RBM24: variants seen among roughly 807,000 people sequenced by gnomAD.
RBM24 encodes the protein RNA-binding protein 24.
A neutral mutation model predicts 23.6 loss-of-function variants in RBM24; 5 were observed. The observed-to-expected ratio is 0.21, with a 90% CI of 0.11 to 0.45. The LOEUF (loss-of-function observed/expected upper bound fraction) is 0.45. Ranked by LOEUF, RBM24 falls within the 20% of genes least tolerant of loss-of-function variation. The pLI is 0.99. For missense variants in RBM24, 252 were observed against 314.6 expected (o/e 0.80, Z 1.51); for synonymous variants, 151 against 129.5 (o/e 1.17, Z -1.13).
chr6:17,284,585 T>C (rs1760138199), intron 2 of RBM24, 72 bp from the exon 3 acceptor site: 2 of 1,135,114 alleles, frequency 1.8e-6, no homozygotes, highest in Non-Finnish European at 2.6e-6. Context: ...AAGTTGTGAT[T>C]GCATTTTACA....
chr6:17,282,118 A>C (rs1281725671), intron 1 of RBM24: 1 of 1,218,680 alleles, frequency 8.2e-7, no homozygotes, highest in East Asian at 5.5e-5. Flanking sequence ...TGCTTTGTAA[A>C]AATGCGTGTG....
intron 2 of RBM24, 189 bp downstream of exon 2, chr6:17,283,117 T>C: frequency 1.8e-6 from 1 of 548,590 alleles, no homozygotes; most frequent in Non-Finnish European, 3.3e-6. Context: ...AGGCTTGAAA[T>C]GTACCTGTGT....
At position 17,291,025 on chromosome 6, in the gene RBM24, A is replaced by G. The variant is rs888557688; in HGVS notation, c.348-731A>G. The G allele has an allele frequency of 1.2e-5, 6 of 517,228 alleles. No homozygotes were observed. In the African/African-American group the frequency reaches 1.2e-4, roughly 10 times the overall value. The allele number at this position is 517,228 out of a possible 1,614,324, so 32.0% of individuals were successfully genotyped here. A position where few individuals can be genotyped will look rare whatever the true frequency, so the allele number is the denominator to read the frequency against. On this transcript the variant is annotated intron_variant, in intron 3 of 3. Transcript: ENST00000379052. Reference sequence around the variant, plus strand: ...AATAGCATTTTTGTAGCTTCCCACGACAGCCTCTTGTGACAGAGTGAGCTG... The same window carrying G: ...AATAGCATTTTTGTAGCTTCCCACGGCAGCCTCTTGTGACAGAGTGAGCTG...
rs779013217 is a variant in RBM24, at chr6:17,292,008, A to C, written c.600A>C (p.Pro200=). ...AGGYGYAVQQ[P]ITAAAPGTAA... Reference sequence around the variant, plus strand: ...GCTATGGCTACGCAGTCCAGCAGCCAATCACCGCAGCGGCACCTGGGACAG... The same window carrying C: ...GCTATGGCTACGCAGTCCAGCAGCCCATCACCGCAGCGGCACCTGGGACAG... The change falls in exon 4 of 4, where the codon CCA becomes CCC. Residue 200 remains proline (P), a synonymous_variant. Transcript: ENST00000379052. The C allele has an allele frequency of 8.1e-6, 13 of 1,606,052 alleles. No homozygotes were observed. In the African/African-American group the frequency reaches 1.3e-4, roughly 17 times the overall value.
intron 3 of RBM24, chr6:17,289,545 CTTCACAACACT>C: frequency 1.0e-6 from 1 of 985,442 alleles, no homozygotes; most frequent in Non-Finnish European, 1.2e-6. Flanking sequence ...TTAATGCATT[CTTCACAACACT>C]TTCTCCTTTT....
chr6:17,286,427 C>A lies in RBM24; in HGVS notation c.347+1716C>A, dbSNP rs138612459. On this transcript the variant is annotated intron_variant, in intron 3 of 3. Transcript: ENST00000379052. ...GGTGTGATGTGAGCTTAGTGGTGGGCTCACACTAATAATCTTGAAACAGTT... is the reference window on the plus strand; with the variant it reads ...GGTGTGATGTGAGCTTAGTGGTGGGATCACACTAATAATCTTGAAACAGTT... Among the ~76,000 whole-genome samples the A allele has an allele frequency of 1.9e-3, 295 of 152,198 alleles. 2 individuals are homozygous for A. Among genetic ancestry groups the A allele is most frequent in the South Asian group, 3.7e-3 (18 of 4,830 alleles).
chr6:17,281,537 A>T lies in RBM24; in HGVS notation c.-45A>T. ...GAGGAGGAGGCGCAGCCGCTGCCCG[A>T]GCCGCAGCCGCAGCCGGAGCCCGAG... On this transcript the variant is annotated 5_prime_UTR_variant, in exon 1 of 4. Transcript: ENST00000379052. This position sits in a 1 kb window ranked among gnomAD's most constrained non-coding sequence, Gnocchi z 7.1. The T allele has an allele frequency of 6.9e-7, 1 of 1,459,030 alleles. No homozygotes were observed. The highest frequency in any genetic ancestry group is 9.0e-7 in the Non-Finnish European group (1 of 1,105,908). 90.4% of individuals were successfully genotyped at this position (1,459,030 alleles called of 1,614,324 possible).
Position 17,290,174 on chromosome 6 carries a change from T to C in RBM24, c.348-1582T>C. On this transcript the variant is annotated intron_variant, in intron 3 of 3. Coordinates refer to ENST00000379052, the MANE Select transcript of RBM24 (RefSeq NM_001143942.2). ...TTAATGAGTGCTTTCAGTAAAACTC[T>C]GAAAAGGCAAAGCAAAATCTATGTT... 2 of 1,055,872 alleles carry C rather than the reference T, an allele frequency of 1.9e-6. 1 individual carries two copies. Among genetic ancestry groups the C allele is most frequent in the Non-Finnish European group, 2.6e-6 (2 of 782,890 alleles). 65.4% of individuals were successfully genotyped at this position (1,055,872 alleles called of 1,614,324 possible). A position where few individuals can be genotyped will look rare whatever the true frequency, so the allele number is the denominator to read the frequency against.
Position 17,293,412 on chromosome 6 carries a change from G to A in RBM24, c.*1293G>A, listed in dbSNP as rs1243496382. 6.6e-6 allele frequency: 1 copy of A among 152,526 alleles called. No homozygotes were observed. Among genetic ancestry groups the A allele is most frequent in the Non-Finnish European group, 1.5e-5 (1 of 68,006 alleles). The allele number at this position is 152,526 out of a possible 1,614,324, so 9.4% of individuals were successfully genotyped here. Reference sequence around the variant, plus strand: ...TTAAATTCATATGTGCACTGTATAAGAGAGTACTCTTACATTAACACATTT... The same window carrying A: ...TTAAATTCATATGTGCACTGTATAAAAGAGTACTCTTACATTAACACATTT... On this transcript the variant is annotated 3_prime_UTR_variant, in exon 4 of 4. Transcript: ENST00000379052.
At chr6:17,289,455 T>C in intron 3 of RBM24, 1 of 985,482 alleles carries the variant, frequency 1.0e-6, no homozygotes, top group Non-Finnish European at 1.2e-6. Flanking sequence ...TTCTCATTGT[T>C]TGACATTGTG....
chr6:17,285,630 C>T (rs137972079), intron 3 of RBM24, among the ~76,000 whole-genome samples: 36 of 152,286 alleles, frequency 2.4e-4, no homozygotes, highest in Admixed American at 1.0e-3. Flanking sequence ...TTTAAAGGTT[C>T]AACAACTCTC....
At chr6:17,288,251 A>G (rs929316653) in intron 3 of RBM24, 121 of 985,298 alleles carry the variant, frequency 1.2e-4, no homozygotes, top group Admixed American at 1.8e-4. Context: ...CTATTCTCTC[A>G]TAATCCAGTA....
intron 3 of RBM24, chr6:17,288,342 C>G: frequency 1.0e-6 from 1 of 985,384 alleles, no homozygotes; most frequent in Non-Finnish European, 1.2e-6. Flanking sequence ...GAGTGGGATT[C>G]AGAAGTCTTC....
intron 1 of RBM24, chr6:17,282,576 G>A: frequency 3.4e-6 from 2 of 595,054 alleles, no homozygotes; most frequent in Non-Finnish European, 5.8e-6. Flanking sequence ...GGCAGGGTTA[G>A]AGGGTTTCTT....
Position 17,291,983 on chromosome 6 carries a change from G to A in RBM24, c.575G>A (p.Gly192Asp). 1.9e-6 allele frequency: 3 copies of A among 1,609,596 alleles called. No homozygotes were observed. The highest frequency in any genetic ancestry group is 2.5e-6 in the Non-Finnish European group (3 of 1,179,214). ...GCTGCAGGATATGTTACTGCTGGGG[G>A]CTATGGCTACGCAGTCCAGCAGCCA... ...PAAAGYVTAG[G>D]YGYAVQQPIT... The change falls in exon 4 of 4, where the codon GGC (glycine) becomes GAC (aspartate). Residue 192 changes from glycine (G) to aspartate (D), a missense_variant. Transcript: ENST00000379052.
chr6:17,292,170 C>T lies in RBM24; in HGVS notation c.*51C>T, dbSNP rs1760389232. The T allele has an allele frequency of 1.4e-6, 2 of 1,456,864 alleles. No individual in the cohort carries two copies. The highest frequency in any genetic ancestry group is 1.4e-5 in the African/African-American group (1 of 71,086). The allele number at this position is 1,456,864 out of a possible 1,614,324, so 90.2% of individuals were successfully genotyped here. ...TGTTTTCTCTTTCCCTCCCAATTTTCCAATTTTTAGTAGCTAATAAGAGAG... is the reference window on the plus strand; with the variant it reads ...TGTTTTCTCTTTCCCTCCCAATTTTTCAATTTTTAGTAGCTAATAAGAGAG... On this transcript the variant is annotated 3_prime_UTR_variant, in exon 4 of 4. Transcript: ENST00000379052.
At position 17,281,452 on chromosome 6, in the gene RBM24, G is replaced by C. The variant is rs1760009806; in HGVS notation, c.-130G>C. 1.6e-6 allele frequency: 1 copy of C among 640,766 alleles called. No homozygotes were observed. The highest frequency in any genetic ancestry group is 6.6e-5 in the South Asian group (1 of 15,064). The allele number at this position is 640,766 out of a possible 1,614,324, so 39.7% of individuals were successfully genotyped here. A position where few individuals can be genotyped will look rare whatever the true frequency, so the allele number is the denominator to read the frequency against. ...TCGCCCCCGCCGCGCCGCCGCCCTC[G>C]CCCCCGGGCTCGCCCTTGGCCCCCG... is the stretch of plus-strand genomic sequence containing the variant. On this transcript the variant is annotated 5_prime_UTR_variant, in exon 1 of 4. Transcript: ENST00000379052. The surrounding 1 kb of genome is among the most constrained non-coding windows in gnomAD (Gnocchi z 7.1).
chr6:17,290,171 C>T lies in RBM24; in HGVS notation c.348-1585C>T. 8.3e-6 allele frequency: 9 copies of T among 1,088,526 alleles called. No homozygotes were observed. In the South Asian group the frequency reaches 1.2e-4, roughly 14 times the overall value. The allele number at this position is 1,088,526 out of a possible 1,614,324, so 67.4% of individuals were successfully genotyped here. ...TCGTTAATGAGTGCTTTCAGTAAAA[C>T]TCTGAAAAGGCAAAGCAAAATCTAT... On this transcript the variant is annotated intron_variant, in intron 3 of 3. Coordinates refer to ENST00000379052, the MANE Select transcript of RBM24 (RefSeq NM_001143942.2).
rs1355235715 is a variant in RBM24 at position 17,293,129 on chromosome 6, C to G, written c.*1010C>G. Reference sequence around the variant, plus strand: ...ATTTAAAACTATTTATTAGTGACTACAGTACATGAGACAACAAGGTTACTG... The same window carrying G: ...ATTTAAAACTATTTATTAGTGACTAGAGTACATGAGACAACAAGGTTACTG... On this transcript the variant is annotated 3_prime_UTR_variant, in exon 4 of 4. Transcript: ENST00000379052. 1 of 152,432 alleles carries G rather than the reference C, an allele frequency of 6.6e-6. No individual in the cohort carries two copies. The highest frequency in any genetic ancestry group is 2.4e-5 in the African/African-American group (1 of 41,420). 9.4% of individuals were successfully genotyped at this position (152,432 alleles called of 1,614,324 possible).
Sources: gnomAD v4.1 joint callset for allele counts (sites outside exome capture counted in the v4.1 genomes callset) on GRCh38, gnomAD v4.1.1 for gene constraint, Gnocchi (gnomAD v3.1) non-coding constraint, MANE v1.5 for transcripts, NCBI Gene and HGNC (gene_info 2026-07-23, HGNC 2026-07-21) for gene names.